Variants in TMC1 observed in about 807,000 individuals in gnomAD.
TMC1 encodes the protein transmembrane channel-like protein 1.
Under a neutral mutation model 105.8 loss-of-function variants are expected in TMC1, and 84 were observed. The ratio of observed to expected loss-of-function variants is 0.79; its 90% CI spans 0.67 to 0.95. TMC1 has a LOEUF of 0.95. TMC1 is among the 40% of genes least tolerant of loss of function. TMC1 has a pLI of 0.00. For synonymous variants in TMC1, 315 were observed against 311.5 expected (o/e 1.01, Z -0.12); for missense variants, 817 against 914.1 (o/e 0.89, Z 1.37).
At chr9:72,651,180 C>T (rs1406653336) in intron 5 of TMC1, 2 of 150,972 alleles carry the variant, frequency 1.3e-5, no homozygotes, top group Non-Finnish European at 2.9e-5. Context: ...CAGAACAAGT[C>T]AACTGGCAAG....
At chr9:72,555,510 T>C (rs961454598) in intron 1 of TMC1, among the ~76,000 whole-genome samples, 1 of 152,116 alleles carries the variant, frequency 6.6e-6, no homozygotes, top group Admixed American at 6.5e-5. Flanking sequence ...TTCTTTGTGA[T>C]ATTATCTCAT....
At chr9:72,675,156 G>A (rs1826183979) in intron 5 of TMC1, among the ~76,000 whole-genome samples, 1 of 152,110 alleles carries the variant, frequency 6.6e-6, no homozygotes, top group Non-Finnish European at 1.5e-5. Flanking sequence ...AGGATGTGAA[G>A]CTGAACAGTT....
intron 8 of TMC1, among the ~76,000 whole-genome samples, chr9:72,715,221 A>G (rs1826897942): frequency 6.6e-6 from 1 of 152,056 alleles, no homozygotes; most frequent in South Asian, 2.1e-4. Context: ...ACCTTGGTAA[A>G]TCTGATGATT....
intron 8 of TMC1, among the ~76,000 whole-genome samples, chr9:72,724,955 A>T (rs1167961393): frequency 6.6e-6 from 1 of 152,176 alleles, no homozygotes; most frequent in East Asian, 1.9e-4. Context: ...TAATACATTA[A>T]CACTAAAAGG....
At chr9:72,703,692 G>A (rs1488858560) in intron 8 of TMC1, among the ~76,000 whole-genome samples, 1 of 152,174 alleles carries the variant, frequency 6.6e-6, no homozygotes, top group Non-Finnish European at 1.5e-5. Flanking sequence ...TTACCAAGAC[G>A]GTGATTCAGA....
chr9:72,642,437 G>A (rs763388357), intron 4 of TMC1, among the ~76,000 whole-genome samples: 8 of 152,188 alleles, frequency 5.3e-5, no homozygotes, highest in Non-Finnish European at 1.2e-4. Context: ...GAACTTAAAC[G>A]TAAATATCTC....
intron 6 of TMC1, among the ~76,000 whole-genome samples, chr9:72,692,442 A>G (rs970069329): frequency 6.6e-6 from 1 of 152,078 alleles, no homozygotes; most frequent in African/African-American, 2.4e-5. Flanking sequence ...TAGTTTCCGA[A>G]TTTCTCACGA....
chr9:72,787,922 C>G (rs1828197241), intron 13 of TMC1, among the ~76,000 whole-genome samples: 1 of 152,108 alleles, frequency 6.6e-6, no homozygotes, highest in Non-Finnish European at 1.5e-5. Context: ...TGGGAACCAA[C>G]TAAAGTTGTG....
chr9:72,836,043 C>A lies in TMC1; in HGVS notation c.*70C>A. On this transcript the variant is annotated 3_prime_UTR_variant, in exon 24 of 24. Transcript: ENST00000297784. ...TTAAAAGTAATGCAATATGTGAACGCCCAGAGAACAAGCACTGTGGAACTG... is the reference window on the plus strand; with the variant it reads ...TTAAAAGTAATGCAATATGTGAACGACCAGAGAACAAGCACTGTGGAACTG... The A allele has an allele frequency of 6.4e-7, 1 of 1,550,676 alleles. No homozygotes were observed. Among genetic ancestry groups the A allele is most frequent in the Non-Finnish European group, 8.9e-7 (1 of 1,127,942 alleles).
intron 1 of TMC1, among the ~76,000 whole-genome samples, chr9:72,567,810 C>T (rs1432644214): frequency 6.6e-6 from 1 of 152,156 alleles, no homozygotes; most frequent in African/African-American, 2.4e-5. Flanking sequence ...CTAAGGCACT[C>T]ATGTAGTCTT....
At chr9:72,809,459 T>A (rs986174953) in intron 18 of TMC1, among the ~76,000 whole-genome samples, 1 of 152,196 alleles carries the variant, frequency 6.6e-6, no homozygotes, top group Admixed American at 6.5e-5. Flanking sequence ...GACGAATCTT[T>A]GATGTAGATC....
At chr9:72,740,257 A>C (rs1263177918) in intron 9 of TMC1, 48 bp downstream of exon 9, 1 of 1,520,144 alleles carries the variant, frequency 6.6e-7, no homozygotes, top group Non-Finnish European at 9.1e-7. Flanking sequence ...GCCTCTAAGA[A>C]GAACACTGGT....
intron 13 of TMC1, among the ~76,000 whole-genome samples, chr9:72,776,130 T>A (rs1433516514): frequency 1.3e-5 from 2 of 152,172 alleles, no homozygotes; most frequent in African/African-American, 4.8e-5. Flanking sequence ...ATCCTGGCTA[T>A]AATAATACTC....
chr9:72,637,617 A>G (rs186339495), intron 4 of TMC1, among the ~76,000 whole-genome samples: 138 of 152,364 alleles, frequency 9.1e-4, no homozygotes, highest in Non-Finnish European at 1.6e-3. Flanking sequence ...TATTTCCCAG[A>G]GACCACAAAG....
rs956799073 is a variant in TMC1, at chr9:72,830,728, C to G, written c.2260+46C>G. On this transcript the variant is annotated intron_variant, in intron 23 of 23. Transcript: ENST00000297784. ...TGTAATGTTTGTAATTTTTCTTTTT[C>G]TTTTTCTTTCTTTTTTTTTTTTTTT... 6 of 1,284,000 alleles carry G rather than the reference C, an allele frequency of 4.7e-6. No homozygotes were observed. In the African/African-American group the frequency reaches 7.8e-5, roughly 17 times the overall value. The allele number at this position is 1,284,000 out of a possible 1,614,324, so 79.5% of individuals were successfully genotyped here. A position where few individuals can be genotyped will look rare whatever the true frequency, so the allele number is the denominator to read the frequency against.
chr9:72,584,384 A>G (rs749583217), intron 2 of TMC1, among the ~76,000 whole-genome samples: 6 of 151,190 alleles, frequency 4.0e-5, no homozygotes, highest in South Asian at 2.1e-4. Context: ...TTCCACATCA[A>G]CCTCCCAAGT....
At chr9:72,539,245 C>CA (rs1823637546) in intron 1 of TMC1, among the ~76,000 whole-genome samples, 1 of 150,572 alleles carries the variant, frequency 6.6e-6, no homozygotes, top group African/African-American at 2.5e-5. Context: ...AAAACAACAA[C>CA]AAAAAAACAA....
At chr9:72,660,144 C>G (rs1470813264) in intron 5 of TMC1, among the ~76,000 whole-genome samples, 2 of 152,074 alleles carry the variant, frequency 1.3e-5, no homozygotes, top group African/African-American at 4.8e-5. Flanking sequence ...ATATGGATCC[C>G]TCATTTATGA....
At chr9:72,678,989 C>T (rs1407455452) in intron 5 of TMC1, among the ~76,000 whole-genome samples, 2 of 151,994 alleles carry the variant, frequency 1.3e-5, no homozygotes, top group African/African-American at 4.8e-5. Context: ...TTCCCAACTC[C>T]CATCCCACTG....
Sources: allele counts gnomAD v4.1 joint callset (sites outside exome capture counted in the v4.1 genomes callset), GRCh38; gene constraint gnomAD v4.1.1; transcripts MANE v1.5; gene names NCBI Gene and HGNC (gene_info 2026-07-23, HGNC 2026-07-21).